Variants in GNAI2 observed in about 807,000 individuals in gnomAD.
GNAI2 encodes G protein subunit alpha i2.
In GNAI2, 4 loss-of-function variants were observed where a neutral mutation model predicts 36.8. The ratio of observed to expected loss-of-function variants is 0.11; its 90% CI spans 0.05 to 0.25. The LOEUF (loss-of-function observed/expected upper bound fraction) is 0.25. Among genes scored for constraint, GNAI2 ranks in the 10% least tolerant of loss-of-function variants. GNAI2 has a pLI of 1.00. For missense variants in GNAI2, 230 were observed against 481.3 expected (o/e 0.48, Z 4.89); for synonymous variants, 194 against 194.1 (o/e 1.00, Z 0.01).
In GNAI2 at chr3:50,253,027, G is replaced by A; in HGVS notation, c.307G>A (p.Asp103Asn). 1 of 1,583,106 alleles carries A rather than the reference G, an allele frequency of 6.3e-7. No homozygotes were observed. The highest frequency in any genetic ancestry group is 8.6e-7 in the Non-Finnish European group (1 of 1,156,256). ...IDFADPSRAD[D>N]ARQLFALSCT... is the part of the protein sequence containing the mutation. ...GACCACCCGCCACTGTGCCCAGGAC[G>A]ACGCCAGGCAGCTATTTGCACTGTC... Residue 103 changes from aspartate (D) to asparagine (N), a missense_variant, in exon 4 of 9, where the codon GAC (aspartate) becomes AAC (asparagine). Around this residue, in one of 4 missense-constraint regions of GNAI2, gnomAD observed 132 missense variants for 247.4 expected, o/e 0.53. Transcript: ENST00000313601. This position sits in a 1 kb window ranked among gnomAD's most constrained non-coding sequence, Gnocchi z 4.2.
chr3:50,256,044 CAAAAAAAA>C lies in GNAI2; in HGVS notation c.465-126_465-119del, dbSNP rs1170893603. 6.2e-3 allele frequency: 880 copies of C among 142,604 alleles called. 5 individuals carry two copies. The African/African-American group carries it at 0.094, about 15-fold the overall frequency. The allele number at this position is 142,604 out of a possible 1,614,324, so 8.8% of individuals were successfully genotyped here. On this transcript the variant is annotated intron_variant, in intron 4 of 8. Coordinates refer to ENST00000313601, the MANE Select transcript of GNAI2 (RefSeq NM_002070.4). ...CTGGCAACAGAGTAACACTCTGTCT[CAAAAAAAA>C]AAAAAAAAAAAAAAAAAAAAAGCAA...
At chr3:50,227,156 G>T (rs946754928), upstream of GNAI2, 3 of 1,444,706 alleles carry the variant, frequency 2.1e-6, no homozygotes, top group African/African-American at 4.4e-5. The surrounding 1 kb of genome is among the most constrained non-coding windows in gnomAD (Gnocchi z 5.9). Context: ...TAGGCTGGAC[G>T]AAGCAGAAAG....
Position 50,252,923 on chromosome 3 carries a change from C to G in GNAI2, c.304-101C>G, listed in dbSNP as rs1378489873. The G allele has an allele frequency of 1.1e-5, 10 of 944,238 alleles. No individual in the cohort carries two copies. The highest frequency in any genetic ancestry group is 1.6e-5 in the Non-Finnish European group (10 of 628,090). 58.5% of individuals were successfully genotyped at this position (944,238 alleles called of 1,614,324 possible). On this transcript the variant is annotated intron_variant, in intron 3 of 8. Coordinates refer to ENST00000313601, the MANE Select transcript of GNAI2 (RefSeq NM_002070.4). The surrounding 1 kb of genome is among the most constrained non-coding windows in gnomAD (Gnocchi z 4.1). Reference sequence around the variant, plus strand: ...AGGGCAAGTCTCATCCTAGGGAATCCAAGAATACCCTAGCCTGGGCCCCAT... The same window carrying G: ...AGGGCAAGTCTCATCCTAGGGAATCGAAGAATACCCTAGCCTGGGCCCCAT...
rs782469247 is a variant in GNAI2, at chr3:50,236,527, C to T, written c.118+74C>T. 30 of 1,516,524 alleles carry T rather than the reference C, an allele frequency of 2.0e-5. 1 individual carries two copies. The African/African-American group carries it at 4.1e-4, about 21-fold the overall frequency. The allele number at this position is 1,516,524 out of a possible 1,614,324, so 93.9% of individuals were successfully genotyped here. On this transcript the variant is annotated intron_variant, in intron 1 of 8. Coordinates refer to ENST00000313601, the MANE Select transcript of GNAI2 (RefSeq NM_002070.4). This position sits in a 1 kb window ranked among gnomAD's most constrained non-coding sequence, Gnocchi z 4.0. The stretch of plus-strand genomic sequence containing the variant: ...CAGACAAGGACTTTGACCTCCCAGA[C>T]TAGGGCTTCAAACTCCCAGACCCGG...
chr3:50,246,118 G>A (rs1383889034), intron 1 of GNAI2, among the ~76,000 whole-genome samples: 4 of 152,260 alleles, frequency 2.6e-5, no homozygotes, highest in Non-Finnish European at 4.4e-5. Flanking sequence ...AGCACCTGGA[G>A]GAAGGAAGAG....
At position 50,236,526 on chromosome 3, in the gene GNAI2, A is replaced by G; in HGVS notation, c.118+73A>G. ...CCAGACAAGGACTTTGACCTCCCAG[A>G]CTAGGGCTTCAAACTCCCAGACCCG... On this transcript the variant is annotated intron_variant, in intron 1 of 8. Transcript: ENST00000313601. This position sits in a 1 kb window ranked among gnomAD's most constrained non-coding sequence, Gnocchi z 4.0. 1 of 1,517,584 alleles carries G rather than the reference A, an allele frequency of 6.6e-7. No individual in the cohort carries two copies. The highest frequency in any genetic ancestry group is 8.8e-7 in the Non-Finnish European group (1 of 1,141,138). 94.0% of individuals were successfully genotyped at this position (1,517,584 alleles called of 1,614,324 possible).
rs1212504651 is a variant in GNAI2, at chr3:50,255,127, C to A, written c.465-1065C>A. ...TGTTTTGTCCCTGCTACTCTGAGAT[C>A]ATTTCCCTCTGGCCTGGTTTGGCCT... is the stretch of plus-strand genomic sequence containing the variant. On this transcript the variant is annotated intron_variant, in intron 4 of 8. Coordinates refer to ENST00000313601, the MANE Select transcript of GNAI2 (RefSeq NM_002070.4). This position sits in a 1 kb window ranked among gnomAD's most constrained non-coding sequence, Gnocchi z 4.0. Among the ~76,000 whole-genome samples the A allele has an allele frequency of 6.6e-6, 1 of 152,202 alleles. No individual in the cohort carries two copies. The highest frequency in any genetic ancestry group is 2.4e-5 in the African/African-American group (1 of 41,450).
At chr3:50,232,963 G>A (rs140907576), upstream of GNAI2, among the ~76,000 whole-genome samples, 1 of 151,878 alleles carries the variant, frequency 6.6e-6, no homozygotes, top group Non-Finnish European at 1.5e-5. Flanking sequence ...TGGACAGTGT[G>A]GATTTGAGGT....
chr3:50,233,815 G>T (rs1700110137), upstream of GNAI2, among the ~76,000 whole-genome samples: 1 of 151,922 alleles, frequency 6.6e-6, no homozygotes, highest in Non-Finnish European at 1.5e-5. Context: ...GAGACATTCA[G>T]ATAGGGATAT....
intron 1 of GNAI2, among the ~76,000 whole-genome samples, chr3:50,240,539 T>C (rs1482316341): frequency 6.6e-6 from 1 of 152,094 alleles, no homozygotes; most frequent in Non-Finnish European, 1.5e-5. Context: ...GGAGTCCTGC[T>C]CTCCACTCAT....
chr3:50,245,003 T>TC lies in GNAI2; in HGVS notation c.119-7097_119-7096insC, dbSNP rs1234175737. Among the ~76,000 whole-genome samples, 5 of 152,056 alleles carry TC rather than the reference T, an allele frequency of 3.3e-5. No homozygotes were observed. The East Asian group carries it at 9.7e-4, about 29-fold the overall frequency. ...TAGAATCTGTGATGCTGTGATTTTT[T>TC]TTTTTTTTTTCTGAGACTGAGTTTC... is the stretch of plus-strand genomic sequence containing the variant. On this transcript the variant is annotated intron_variant, in intron 1 of 8. Transcript: ENST00000313601.
chr3:50,227,814 G>C (rs1575431484), upstream of GNAI2, among the ~76,000 whole-genome samples: 2 of 152,344 alleles, frequency 1.3e-5, no homozygotes. The surrounding 1 kb of genome is among the most constrained non-coding windows in gnomAD (Gnocchi z 5.9). Flanking sequence ...CGCAGCTCTC[G>C]GTCCACTGCT....
At chr3:50,233,821 G>A (rs1700110249), upstream of GNAI2, among the ~76,000 whole-genome samples, 1 of 152,026 alleles carries the variant, frequency 6.6e-6, no homozygotes, top group African/African-American at 2.4e-5. Flanking sequence ...TTCAGATAGG[G>A]ATATGCAGAC....
At position 50,256,315 on chromosome 3, in the gene GNAI2, C is replaced by A. The variant is rs797039274; in HGVS notation, c.588C>A (p.His196Gln). Residue 196 changes from histidine to glutamine, a missense_variant, in exon 5 of 9, where the codon CAC (histidine) becomes CAA (glutamine). By Grantham distance (24) the His-to-Gln change is conservative. Coordinates refer to ENST00000313601, the MANE Select transcript of GNAI2 (RefSeq NM_002070.4). ...CACACTTCACCTTCAAGGACCTACA[C>A]TTCAAGTGAGCGAGCATGTGGACAG... Reference protein sequence around the residue: ...VETHFTFKDLHFKMFDVGGQR... With the variant: ...VETHFTFKDLQFKMFDVGGQR... The A allele has an allele frequency of 2.5e-6, 4 of 1,613,850 alleles. No individual in the cohort carries two copies. The highest frequency in any genetic ancestry group is 3.4e-6 in the Non-Finnish European group (4 of 1,179,862).
chr3:50,257,241 G>GT, intron 7 of GNAI2, 151 bp downstream of exon 7: 1 of 683,272 alleles, frequency 1.5e-6, no homozygotes, highest in Admixed American at 2.7e-5. Flanking sequence ...GGCTTGTATA[G>GT]TTGTGTGTGC....
chr3:50,227,278 C>A, upstream of GNAI2: 1 of 696,314 alleles, frequency 1.4e-6, no homozygotes, highest in Non-Finnish European at 2.1e-6. The surrounding 1 kb of genome is among the most constrained non-coding windows in gnomAD (Gnocchi z 5.9). Context: ...CCACAGAGGG[C>A]TAGTTGCAAG....
upstream of GNAI2, among the ~76,000 whole-genome samples, chr3:50,228,787 C>T (rs1028921279): frequency 6.6e-6 from 1 of 152,160 alleles, no homozygotes; most frequent in East Asian, 1.9e-4. Flanking sequence ...AAAGCTTTTT[C>T]TCCAACAGCC....
rs148434505 is a variant in GNAI2, at chr3:50,238,678, T to C, written c.118+2225T>C. 5.1e-4 allele frequency among the ~76,000 whole-genome samples: 77 copies of C among 152,294 alleles called. No individual in the cohort carries two copies. The highest frequency in any genetic ancestry group is 1.8e-3 in the African/African-American group (75 of 41,570). On this transcript the variant is annotated intron_variant, in intron 1 of 8. Coordinates refer to ENST00000313601, the MANE Select transcript of GNAI2 (RefSeq NM_002070.4). This position sits in a 1 kb window ranked among gnomAD's most constrained non-coding sequence, Gnocchi z 5.0. ...GACCCTGCAGTGTGCTGCAAAGGGC[T>C]CTGACCAAGCTCTGCTTGATATTGA...
chr3:50,257,155 C>A (rs1700721501), intron 7 of GNAI2, 65 bp downstream of exon 7: 4 of 1,455,290 alleles, frequency 2.7e-6, no homozygotes, highest in South Asian at 1.2e-5. Context: ...CCTATGGTGA[C>A]CAGGTGGCCC....
Sources: allele counts gnomAD v4.1 joint callset (sites outside exome capture counted in the v4.1 genomes callset), GRCh38; gene constraint gnomAD v4.1.1; regional missense constraint gnomAD v4.1.1; non-coding constraint Gnocchi (gnomAD v3.1); transcripts MANE v1.5; gene names NCBI Gene and HGNC (gene_info 2026-07-23, HGNC 2026-07-21).